The following DIAPH1 variants were observed in gnomAD, a reference collection of about 807,000 sequenced individuals.
The protein encoded by DIAPH1 is diaphanous related formin 1, also known as protein diaphanous homolog 1.
Under a neutral mutation model 140.7 loss-of-function variants are expected in DIAPH1, and 46 were observed. That is an observed-to-expected ratio of 0.33 (90% CI 0.26 to 0.42). DIAPH1 has a LOEUF of 0.42. DIAPH1 is among the 10% of genes least tolerant of loss of function. The pLI is 1.00. For synonymous variants in DIAPH1, 565 were observed against 551.6 expected (o/e 1.02, Z -0.34); for missense variants, 1,310 against 1,558.7 (o/e 0.84, Z 2.69).
intron 1 of DIAPH1, among the ~76,000 whole-genome samples, chr5:141,615,762 T>A (rs1279886464): frequency 6.6e-6 from 1 of 151,966 alleles, no homozygotes; most frequent in Non-Finnish European, 1.5e-5. Flanking sequence ...AAAAAAAAAT[T>A]CTCGCTAATG....
intron 18 of DIAPH1, among the ~76,000 whole-genome samples, chr5:141,558,058 G>A (rs1188853622): frequency 2.0e-5 from 3 of 152,192 alleles, no homozygotes; most frequent in Non-Finnish European, 4.4e-5. Context: ...AAGATAGGGA[G>A]TCTGTTTTAT....
At chr5:141,517,959 G>A (rs533580608) in intron 27 of DIAPH1, among the ~76,000 whole-genome samples, 179 of 152,038 alleles carry the variant, frequency 1.2e-3, no homozygotes, top group Middle Eastern at 3.4e-3. Context: ...CCCATCTCAT[G>A]ATGTTTCCTC....
At chr5:141,545,310 T>C (rs564717754) in intron 18 of DIAPH1, among the ~76,000 whole-genome samples, 7 of 152,180 alleles carry the variant, frequency 4.6e-5, no homozygotes, top group Non-Finnish European at 8.8e-5. Flanking sequence ...ACTAAACAAA[T>C]TGTATCTTCA....
In DIAPH1 at chr5:141,618,778, G is replaced by C. The variant is rs779905475; in HGVS notation, c.117+20C>G. The C allele has an allele frequency of 5.3e-6, 8 of 1,518,414 alleles. No individual in the cohort carries two copies. In the Admixed American group the frequency reaches 5.8e-5, roughly 11 times the overall value. 94.1% of individuals were successfully genotyped at this position (1,518,414 alleles called of 1,614,324 possible). ...GGCGGTTACGGGGCCAGGCAGGAGC[G>C]GGATGGGAGGGACACTCACAAATTT... On this transcript the variant is annotated intron_variant, in intron 1 of 27. Coordinates refer to ENST00000389054, the MANE Select transcript of DIAPH1 (RefSeq NM_005219.5).
chr5:141,594,512 C>T (rs1051722957), intron 1 of DIAPH1, among the ~76,000 whole-genome samples: 42 of 152,086 alleles, frequency 2.8e-4, no homozygotes, highest in African/African-American at 9.2e-4. Flanking sequence ...GAGGCTGAGA[C>T]GGGTGGGTTA....
Position 141,526,139 on chromosome 5 carries a change from G to C in DIAPH1, c.3473C>G (p.Thr1158Arg), listed in dbSNP as rs2099887298. 1 of 1,613,870 alleles carries C rather than the reference G, an allele frequency of 6.2e-7. No homozygotes were observed. Among genetic ancestry groups the C allele is most frequent in the African/African-American group, 1.3e-5 (1 of 74,846 alleles). The part of the protein sequence containing the change: ...AVKENQKRRE[T>R]EEKMRRAKLA... ...TTTTGCTCGCCTCATCTTTTCTTCT[G>C]TCTCCCGCCGCTTCTGGTTCTCCTT... The change falls in exon 26 of 28, where the codon ACA (threonine) becomes AGA (arginine). Residue 1158 changes from threonine (T) to arginine (R), a missense_variant. Thr to Arg is a moderately conservative substitution (Grantham distance 71). Transcript: ENST00000389054.
At chr5:141,594,886 C>A (rs1487544093) in intron 1 of DIAPH1, among the ~76,000 whole-genome samples, 1 of 150,638 alleles carries the variant, frequency 6.6e-6, no homozygotes. Context: ...AATAACAATA[C>A]AAAAATTAGC....
chr5:141,595,744 C>T (rs1486778163), intron 1 of DIAPH1, among the ~76,000 whole-genome samples: 1 of 152,176 alleles, frequency 6.6e-6, no homozygotes, highest in East Asian at 1.9e-4. Flanking sequence ...TTATAAATTA[C>T]CCAGTCTCAG....
chr5:141,573,620 C>T lies in DIAPH1; in HGVS notation c.2230G>A (p.Gly744Arg), dbSNP rs764025674. Reference protein sequence around the residue: ...GGPGIPPPPPGMGMPPPPPFG... With the variant: ...GGPGIPPPPPRMGMPPPPPFG... Reference sequence around the variant, plus strand: ...GGGGGAGGTGGAGGCATACCCATTCCGGGTGGAGGTGGAGGAATGCCAGGG... The same window carrying T: ...GGGGGAGGTGGAGGCATACCCATTCTGGGTGGAGGTGGAGGAATGCCAGGG... The change falls in exon 16 of 28, where the codon GGA (glycine) becomes AGA (arginine). Residue 744 changes from glycine (G) to arginine (R), a missense_variant. This residue lies in a region of DIAPH1 where 589 missense variants were observed against 549.3 expected (regional missense o/e 1.07). Coordinates refer to ENST00000389054, the MANE Select transcript of DIAPH1 (RefSeq NM_005219.5). The T allele has an allele frequency of 8.1e-6, 13 of 1,613,302 alleles. No homozygotes were observed. Among genetic ancestry groups the T allele is most frequent in the Middle Eastern group, 1.7e-4 (1 of 6,060 alleles).
At chr5:141,557,182 C>T (rs1412496770) in intron 18 of DIAPH1, among the ~76,000 whole-genome samples, 1 of 152,090 alleles carries the variant, frequency 6.6e-6, no homozygotes, top group Non-Finnish European at 1.5e-5. Context: ...TACTAACTGG[C>T]TATCTGATGA....
chr5:141,526,551 A>G, intron 24 of DIAPH1, 90 bp from the exon 25 acceptor site: 1 of 1,478,542 alleles, frequency 6.8e-7, no homozygotes, highest in Non-Finnish European at 9.4e-7. Context: ...GAGTACTGGC[A>G]TGCAAAGGGA....
At chr5:141,567,720 T>G (rs552946692) in intron 18 of DIAPH1, among the ~76,000 whole-genome samples, 2 of 152,130 alleles carry the variant, frequency 1.3e-5, no homozygotes, top group Non-Finnish European at 2.9e-5. Flanking sequence ...ACAGAAGAGA[T>G]ATCACAGGGA....
At chr5:141,583,460 C>A in intron 5 of DIAPH1, 25 bp downstream of exon 5, 1 of 1,614,206 alleles carries the variant, frequency 6.2e-7, no homozygotes. Flanking sequence ...GGCTCCTACT[C>A]CTGTTACCTC....
intron 18 of DIAPH1, among the ~76,000 whole-genome samples, chr5:141,566,353 T>C (rs1421378821): frequency 1.3e-5 from 2 of 152,158 alleles, no homozygotes; most frequent in Non-Finnish European, 2.9e-5. Context: ...TATTGGAGTA[T>C]AGAAGAGTGG....
At chr5:141,566,895 AAAAAC>A (rs10646063) in intron 18 of DIAPH1, among the ~76,000 whole-genome samples, 29,748 of 149,830 alleles carry the variant, frequency 0.2, 2,995 homozygotes, top group South Asian at 0.25. Flanking sequence ...ACTCCATCTC[AAAAAC>A]AAAACAAAAC....
chr5:141,566,800 CAGG>C (rs1488850830), intron 18 of DIAPH1, among the ~76,000 whole-genome samples: 2 of 152,144 alleles, frequency 1.3e-5, no homozygotes. Flanking sequence ...GAGGCTGAGG[CAGG>C]AGAATTGCTT....
intron 26 of DIAPH1, 64 bp downstream of exon 26, chr5:141,525,974 C>G: frequency 1.2e-6 from 2 of 1,609,384 alleles, no homozygotes; most frequent in East Asian, 4.5e-5. Flanking sequence ...TGCCTCTAGA[C>G]TCTAGGCAGA....
At chr5:141,532,113 T>C (rs2099888320) in intron 19 of DIAPH1, among the ~76,000 whole-genome samples, 1 of 152,204 alleles carries the variant, frequency 6.6e-6, no homozygotes, top group Non-Finnish European at 1.5e-5. Flanking sequence ...TGTTATCTCA[T>C]GCTCTCATAC....
intron 1 of DIAPH1, among the ~76,000 whole-genome samples, chr5:141,595,595 G>A (rs963994853): frequency 3.9e-5 from 6 of 152,088 alleles, no homozygotes; most frequent in Admixed American, 1.3e-4. Flanking sequence ...CATTTCCCCC[G>A]CTTGCACTCA....
Sources: gnomAD v4.1 joint callset for allele counts (sites outside exome capture counted in the v4.1 genomes callset) on GRCh38, gnomAD v4.1.1 for gene constraint, gnomAD v4.1.1 regional missense constraint, MANE v1.5 for transcripts, NCBI Gene and HGNC (gene_info 2026-07-23, HGNC 2026-07-21) for gene names.